Variants in DPF2 observed in about 807,000 individuals in gnomAD.
DPF2 encodes the protein zinc finger protein ubi-d4.
In DPF2, 10 loss-of-function variants were observed where a neutral mutation model predicts 59.6. The ratio of observed to expected loss-of-function variants is 0.17; its 90% CI spans 0.10 to 0.28. The LOEUF (loss-of-function observed/expected upper bound fraction) is 0.28, where lower values mean the gene tolerates loss of function less well. Ranked by LOEUF, DPF2 falls within the 10% of genes least tolerant of loss-of-function variation. The probability of loss-of-function intolerance (pLI) is 1.00; values close to 1 mark genes in which losing one functional copy is unlikely to be tolerated. For synonymous variants in DPF2, 189 were observed against 190.6 expected (o/e 0.99, Z 0.07); for missense variants, 315 against 509.4 (o/e 0.62, Z 3.67).
intron 9 of DPF2, 128 bp downstream of exon 9, chr11:65,346,487 C>T (rs1159343710): frequency 1.4e-5 from 10 of 734,978 alleles, no homozygotes; most frequent in Non-Finnish European, 1.8e-5. Context: ...ACACGCCCCT[C>T]CCTAGCATCT....
chr11:65,335,721 T>C (rs1950085937), intron 1 of DPF2, among the ~76,000 whole-genome samples: 1 of 152,248 alleles, frequency 6.6e-6, no homozygotes. Flanking sequence ...TTTGGAGATA[T>C]GGCACTTCTC....
chr11:65,353,081 T>TA lies in DPF2; in HGVS notation c.*1323dup, dbSNP rs1278186523. ...GGTTTTTTTTTTTAATGTTTTGAAATACAGCTTTTTTCCCCCCAAATTAAA... is the reference window on the plus strand; with the variant it reads ...GGTTTTTTTTTTTAATGTTTTGAAATAACAGCTTTTTTCCCCCCAAATTAAA... On this transcript the variant is annotated 3_prime_UTR_variant, in exon 11 of 11. Coordinates refer to ENST00000528416, the MANE Select transcript of DPF2 (RefSeq NM_006268.5). The TA allele has an allele frequency of 2.0e-5, 3 of 151,966 alleles. No homozygotes were observed. Among genetic ancestry groups the TA allele is most frequent in the African/African-American group, 7.3e-5 (3 of 41,378 alleles). 9.4% of individuals were successfully genotyped at this position (151,966 alleles called of 1,614,324 possible).
At chr11:65,342,875 G>C (rs551622535) in intron 4 of DPF2, among the ~76,000 whole-genome samples, 1 of 150,768 alleles carries the variant, frequency 6.6e-6, no homozygotes, top group Non-Finnish European at 1.5e-5. Context: ...TTAGCCAGGC[G>C]TGGTGGTGGG....
Position 65,348,909 on chromosome 11 carries a change from G to C in DPF2, c.1077G>C (p.Pro359=). The C allele has an allele frequency of 6.2e-7, 1 of 1,614,106 alleles. No homozygotes were observed. Among genetic ancestry groups the C allele is most frequent in the Non-Finnish European group, 8.5e-7 (1 of 1,180,026 alleles). ...GCTACCACATGTACTGTCTCACCCC[G>C]TCCATGTCTGAGCCCCCTGAAGGTA... ...DRGYHMYCLT[P]SMSEPPEGSW... Residue 359 remains proline, a synonymous_variant, in exon 10 of 11, where the codon CCG becomes CCC. Transcript: ENST00000528416.
chr11:65,350,148 A>T (rs1226088311), intron 10 of DPF2, among the ~76,000 whole-genome samples: 1 of 151,974 alleles, frequency 6.6e-6, no homozygotes, highest in East Asian at 1.9e-4. Flanking sequence ...TGGCTTTCCT[A>T]TTAAAGTTCT....
intron 1 of DPF2, among the ~76,000 whole-genome samples, chr11:65,337,739 G>A (rs963540489): frequency 2.6e-5 from 4 of 151,388 alleles, no homozygotes; most frequent in African/African-American, 9.7e-5. Flanking sequence ...CAGGGGCTAC[G>A]TGGAACCACA....
chr11:65,349,003 C>T, intron 10 of DPF2, 72 bp downstream of exon 10: 3 of 1,543,042 alleles, frequency 1.9e-6, no homozygotes, highest in African/African-American at 1.4e-5. Flanking sequence ...GTTCTATGTT[C>T]TTTATGTTAT....
At chr11:65,335,079 G>GT (rs57579516) in intron 1 of DPF2, among the ~76,000 whole-genome samples, 111,488 of 141,626 alleles carry the variant, frequency 0.79, 44,869 homozygotes, top group Non-Finnish European at 0.88. Flanking sequence ...CTTGTGGTTT[G>GT]TTTTTTTTTT....
Position 65,340,556 on chromosome 11 carries a change from A to C in DPF2, c.193+11A>C, listed in dbSNP as rs747568247. 1.2e-6 allele frequency: 2 copies of C among 1,613,804 alleles called. No homozygotes were observed. Among genetic ancestry groups the C allele is most frequent in the Admixed American group, 3.3e-5 (2 of 59,984 alleles). Reference sequence around the variant, plus strand: ...GACACCGGGGTCCAGGTGAGGGTCCAGACTTGGGAGAAGGGGACTCAGGAG... The same window carrying C: ...GACACCGGGGTCCAGGTGAGGGTCCCGACTTGGGAGAAGGGGACTCAGGAG... On this transcript the variant is annotated intron_variant, in intron 2 of 10. Coordinates refer to ENST00000528416, the MANE Select transcript of DPF2 (RefSeq NM_006268.5).
Position 65,345,921 on chromosome 11 carries a change from T to C in DPF2, c.776-9T>C, listed in dbSNP as rs752828892. On this transcript the variant is annotated splice_polypyrimidine_tract_variant and intron_variant, in intron 7 of 10. Transcript: ENST00000528416. ...CCATGGGTGTCATCAAAACTCTTTCTCTCTGTAGCCAAAAAGGGTCCTGAT... is the reference window on the plus strand; with the variant it reads ...CCATGGGTGTCATCAAAACTCTTTCCCTCTGTAGCCAAAAAGGGTCCTGAT... 1.9e-6 allele frequency: 3 copies of C among 1,613,988 alleles called. No homozygotes were observed. Among genetic ancestry groups the C allele is most frequent in the South Asian group, 2.2e-5 (2 of 91,076 alleles).
At chr11:65,341,600 G>A (rs761824499) in intron 4 of DPF2, 38 bp downstream of exon 4, 4 of 1,608,222 alleles carry the variant, frequency 2.5e-6, no homozygotes, top group African/African-American at 1.3e-5. Context: ...AGCTTTGATG[G>A]AAATCAGCCT....
intron 9 of DPF2, chr11:65,348,572 C>T: frequency 2.7e-6 from 1 of 371,892 alleles, no homozygotes; most frequent in Non-Finnish European, 4.8e-6. Context: ...CAGCAATACC[C>T]TGTCTCAAAA....
intron 6 of DPF2, chr11:65,345,089 G>A (rs1854489933): frequency 5.6e-6 from 1 of 179,764 alleles, no homozygotes; most frequent in Non-Finnish European, 1.2e-5. Flanking sequence ...GCCTGGACAG[G>A]GCAATTACAT....
At chr11:65,349,029 C>T in intron 10 of DPF2, 98 bp downstream of exon 10, 4 of 1,396,582 alleles carry the variant, frequency 2.9e-6, no homozygotes, top group Non-Finnish European at 4.0e-6. Flanking sequence ...ACATATTCTT[C>T]CAAATTAGGG....
intron 1 of DPF2, among the ~76,000 whole-genome samples, chr11:65,337,849 G>T (rs796980855): frequency 4.6e-5 from 7 of 152,042 alleles, no homozygotes; most frequent in African/African-American, 1.4e-4. Flanking sequence ...TTGTTGCCCA[G>T]GCTGGAGTGC....
Position 65,353,369 on chromosome 11 carries a change from G to A in DPF2, c.*1610G>A. 1 of 152,130 alleles carries A rather than the reference G, an allele frequency of 6.6e-6. No individual in the cohort carries two copies. Among genetic ancestry groups the A allele is most frequent in the South Asian group, 2.1e-4 (1 of 4,832 alleles). 9.4% of individuals were successfully genotyped at this position (152,130 alleles called of 1,614,324 possible). ...CTTGCAATCTCAGACATTTAAAACA[G>A]GACCAGAAGTTTATATAAATATAAT... On this transcript the variant is annotated 3_prime_UTR_variant, in exon 11 of 11. Coordinates refer to ENST00000528416, the MANE Select transcript of DPF2 (RefSeq NM_006268.5).
chr11:65,334,432 G>A (rs972917835), intron 1 of DPF2, among the ~76,000 whole-genome samples: 6 of 152,236 alleles, frequency 3.9e-5, no homozygotes, highest in African/African-American at 1.4e-4. Flanking sequence ...TGGGTGGCAG[G>A]TACCTAAGAC....
chr11:65,344,469 C>A, intron 6 of DPF2: 2 of 1,036,108 alleles, frequency 1.9e-6, no homozygotes, highest in Non-Finnish European at 2.8e-6. Flanking sequence ...ACCCTGGGAG[C>A]ACCATCGCCG....
chr11:65,344,948 A>G (rs1285246763), intron 6 of DPF2: 3 of 349,902 alleles, frequency 8.6e-6, no homozygotes, highest in Non-Finnish European at 1.6e-5. Flanking sequence ...CATGTTCCCC[A>G]CTGCCCCACC....
Sources: allele counts gnomAD v4.1 joint callset (sites outside exome capture counted in the v4.1 genomes callset), GRCh38; gene constraint gnomAD v4.1.1; transcripts MANE v1.5; gene names NCBI Gene and HGNC (gene_info 2026-07-23, HGNC 2026-07-21).